LRRC2: variants seen among roughly 807,000 people sequenced by gnomAD.
The protein encoded by LRRC2 is leucine-rich repeat-containing protein 2.
Under a neutral mutation model 40.2 loss-of-function variants are expected in LRRC2, and 27 were observed. The ratio of observed to expected loss-of-function variants is 0.67; its 90% CI spans 0.49 to 0.93. The LOEUF is 0.93. Ranked by LOEUF, LRRC2 falls within the 40% of genes least tolerant of loss-of-function variation. LRRC2 has a pLI of 0.00. For missense variants in LRRC2, 402 were observed against 439.6 expected (o/e 0.91, Z 0.76); for synonymous variants, 147 against 158.9 (o/e 0.92, Z 0.56).
chr3:46,529,968 G>T lies in LRRC2; in HGVS notation c.710C>A (p.Ser237Ter). The change falls in exon 6 of 9, where the codon TCG (serine) becomes TAG (stop). Residue 237 changes from serine (S) to a stop codon, truncating the protein, a stop_gained. Transcript: ENST00000395905. LOFTEE classifies it high-confidence loss of function. ...SSVPICVLRM[S>*]NLQWLDISSN... ...GCTGATATCCAACCACTGCAAATTC[G>T]ACATCCGCAGGACACAGATTGGGAC... 1.2e-6 allele frequency: 2 copies of T among 1,614,110 alleles called. No individual in the cohort carries two copies. The highest frequency in any genetic ancestry group is 1.1e-5 in the South Asian group (1 of 91,076).
chr3:46,530,909 T>C (rs1161812337), intron 5 of LRRC2, among the ~76,000 whole-genome samples: 1 of 152,196 alleles, frequency 6.6e-6, no homozygotes, highest in Non-Finnish European at 1.5e-5. Context: ...ATGTAAAACA[T>C]AACTATAAGA....
At chr3:46,558,414 T>C (rs1347018302) in intron 1 of LRRC2, 2 of 152,242 alleles carry the variant, frequency 1.3e-5, no homozygotes, top group Non-Finnish European at 2.9e-5. Context: ...CTGTGGGGTG[T>C]GATCCCCATG....
rs1471544273 is a variant in LRRC2, at chr3:46,539,115, A to T, written c.420T>A (p.Ile140=). ...NTLIQIIPTY[I]QLFQAMRILD... is the part of the protein sequence containing the mutation. ...GAATTCTCATCGCTTGAAATAACTGAATATATGTAGGAATGATTTGAATCA... is the reference window on the plus strand; with the variant it reads ...GAATTCTCATCGCTTGAAATAACTGTATATATGTAGGAATGATTTGAATCA... The change falls in exon 4 of 9, where the codon ATT becomes ATA. Residue 140 remains isoleucine (I), a synonymous_variant. Transcript: ENST00000395905. 1 of 1,613,912 alleles carries T rather than the reference A, an allele frequency of 6.2e-7. No individual in the cohort carries two copies. Among genetic ancestry groups the T allele is most frequent in the Non-Finnish European group, 8.5e-7 (1 of 1,179,856 alleles).
intron 6 of LRRC2, among the ~76,000 whole-genome samples, chr3:46,528,982 T>C (rs1168792964): frequency 6.6e-6 from 1 of 152,052 alleles, no homozygotes; most frequent in Non-Finnish European, 1.5e-5. Flanking sequence ...CCAGGCATGA[T>C]GGCACACATC....
At chr3:46,558,629 C>T (rs1704866633) in intron 1 of LRRC2, 1 of 152,246 alleles carries the variant, frequency 6.6e-6, no homozygotes, top group South Asian at 2.1e-4. Context: ...CAAATTCCTC[C>T]CTCTCTGTGA....
At chr3:46,560,625 C>T (rs1424724030) in intron 1 of LRRC2, among the ~76,000 whole-genome samples, 1 of 152,174 alleles carries the variant, frequency 6.6e-6, no homozygotes, top group Admixed American at 6.5e-5. Flanking sequence ...AGCCTGGACC[C>T]TCGTTGAATT....
intron 1 of LRRC2, chr3:46,559,285 T>G (rs751749390): frequency 8.5e-5 from 13 of 152,232 alleles, no homozygotes; most frequent in South Asian, 2.1e-4. Flanking sequence ...GAAACATTAA[T>G]AAGAGAATCA....
intron 3 of LRRC2, among the ~76,000 whole-genome samples, chr3:46,541,020 T>G (rs1704374387): frequency 2.0e-5 from 3 of 152,242 alleles, no homozygotes; most frequent in Non-Finnish European, 4.4e-5. Context: ...ATTATGTTCA[T>G]GACTATTTTC....
chr3:46,529,074 A>C (rs112739273), intron 6 of LRRC2, among the ~76,000 whole-genome samples: 7,405 of 151,992 alleles, frequency 0.049, 641 homozygotes, highest in African/African-American at 0.17. Context: ...CCATGACTGC[A>C]CTACTGCACT....
At chr3:46,521,448 T>C in intron 8 of LRRC2, 74 bp downstream of exon 8, 1 of 1,221,554 alleles carries the variant, frequency 8.2e-7, no homozygotes, top group Middle Eastern at 2.6e-4. Flanking sequence ...CAATTTGACT[T>C]CTATTAACAA....
chr3:46,540,355 T>C (rs1704359695), intron 3 of LRRC2, among the ~76,000 whole-genome samples: 1 of 152,032 alleles, frequency 6.6e-6, no homozygotes, highest in African/African-American at 2.4e-5. Context: ...TGAAACCCCA[T>C]CTCTACTAAA....
At chr3:46,561,143 G>A (rs1203628403) in intron 1 of LRRC2, among the ~76,000 whole-genome samples, 2 of 152,052 alleles carry the variant, frequency 1.3e-5, no homozygotes, top group Non-Finnish European at 2.9e-5. Context: ...AGAACCATCC[G>A]GAGTAGTTAG....
At chr3:46,556,262 G>A (rs1704790794) in intron 1 of LRRC2, among the ~76,000 whole-genome samples, 2 of 152,050 alleles carry the variant, frequency 1.3e-5, no homozygotes, top group Admixed American at 6.5e-5. Context: ...TGGAAACACA[G>A]GGATGCACCA....
rs1052296537 is a variant in LRRC2 at position 46,517,639 on chromosome 3, C to A, written c.*1375G>T. 6.6e-6 allele frequency: 1 copy of A among 152,202 alleles called. No homozygotes were observed. The allele number at this position is 152,202 out of a possible 1,614,324, so 9.4% of individuals were successfully genotyped here. On this transcript the variant is annotated 3_prime_UTR_variant, in exon 9 of 9. Transcript: ENST00000395905. Reference sequence around the variant, plus strand: ...TATAGGTGTGAGCCACCGTGCCCGGCCAAAGTTATTTGTTTAAGCTTATTT... The same window carrying A: ...TATAGGTGTGAGCCACCGTGCCCGGACAAAGTTATTTGTTTAAGCTTATTT...
intron 6 of LRRC2, among the ~76,000 whole-genome samples, chr3:46,528,263 A>G (rs562318611): frequency 6.6e-6 from 1 of 150,926 alleles, no homozygotes; most frequent in South Asian, 2.1e-4. Context: ...GAGAATAAAC[A>G]GATTTTAGCA....
chr3:46,539,112 C>A lies in LRRC2; in HGVS notation c.423G>T (p.Gln141His), dbSNP rs1704329723. 1 of 1,613,908 alleles carries A rather than the reference C, an allele frequency of 6.2e-7. No individual in the cohort carries two copies. The highest frequency in any genetic ancestry group is 1.3e-5 in the African/African-American group (1 of 75,030). ...TLIQIIPTYIQLFQAMRILDL... is the reference protein window; with the variant it reads ...TLIQIIPTYIHLFQAMRILDL... ...CCAGAATTCTCATCGCTTGAAATAA[C>A]TGAATATATGTAGGAATGATTTGAA... Residue 141 changes from glutamine to histidine, a missense_variant, in exon 4 of 9, where the codon CAG becomes CAT. Gln to His is a conservative substitution (Grantham distance 24, BLOSUM62 0). Transcript: ENST00000395905.
intron 1 of LRRC2, among the ~76,000 whole-genome samples, chr3:46,553,533 A>G (rs1704713086): frequency 6.6e-6 from 1 of 152,078 alleles, no homozygotes; most frequent in Non-Finnish European, 1.5e-5. Context: ...TGCTCATTGC[A>G]CCTGGATCTG....
intron 7 of LRRC2, among the ~76,000 whole-genome samples, chr3:46,526,102 G>A (rs920894027): frequency 2.0e-5 from 3 of 152,034 alleles, no homozygotes; most frequent in East Asian, 1.9e-4. Context: ...ACAGGTGCCC[G>A]TCACTGTGCC....
chr3:46,564,830 A>ACCTCTATCATCAGCCTTG (rs932921226), intron 1 of LRRC2, among the ~76,000 whole-genome samples: 1 of 151,924 alleles, frequency 6.6e-6, no homozygotes, highest in Non-Finnish European at 1.5e-5. Flanking sequence ...TGTAAGGAAA[A>ACCTCTATCATCAGCCTTG]CCTCTATCAT....
Sources: allele counts gnomAD v4.1 joint callset (sites outside exome capture counted in the v4.1 genomes callset), GRCh38; gene constraint gnomAD v4.1.1; transcripts MANE v1.5; gene names NCBI Gene and HGNC (gene_info 2026-07-23, HGNC 2026-07-21).